Variants in BTRC observed in about 807,000 individuals in gnomAD.
The protein encoded by BTRC is F-box/WD repeat-containing protein 1A.
BTRC carries 42 observed loss-of-function variants against 85.5 expected under a neutral mutation model. That is an observed-to-expected ratio of 0.49 (90% confidence interval 0.38 to 0.64). The LOEUF (loss-of-function observed/expected upper bound fraction) is 0.64, where lower values mean the gene tolerates loss of function less well. Among genes scored for constraint, BTRC ranks in the 30% least tolerant of loss-of-function variants. BTRC has a pLI of 0.00. For missense variants in BTRC, 594 were observed against 743.5 expected, an observed-to-expected ratio of 0.80 and a Z score of 2.34; for synonymous variants, 255 against 263.3, an observed-to-expected ratio of 0.97 and a Z score of 0.30.
intron 2 of BTRC, among the ~76,000 whole-genome samples, chr10:101,445,815 A>G (rs1320432861): frequency 6.6e-6 from 1 of 152,188 alleles, no homozygotes; most frequent in African/African-American, 2.4e-5. Context: ...TGTGTTGTGT[A>G]CCCTGAGGAT....
intron 10 of BTRC, 23 bp from the exon 11 acceptor site, chr10:101,535,331 C>T (rs778010209): frequency 5.7e-6 from 9 of 1,576,218 alleles, no homozygotes; most frequent in Non-Finnish European, 7.8e-6. Context: ...AAATCAACTG[C>T]TCAATGCCAT....
intron 1 of BTRC, among the ~76,000 whole-genome samples, chr10:101,400,724 A>C (rs1037778242): frequency 6.6e-6 from 1 of 152,226 alleles, no homozygotes; most frequent in Admixed American, 6.5e-5. Flanking sequence ...GCCTCTGTTG[A>C]GTCATAGCAA....
chr10:101,507,400 G>A (rs907736639), intron 4 of BTRC, among the ~76,000 whole-genome samples: 3 of 152,178 alleles, frequency 2.0e-5, no homozygotes, highest in Non-Finnish European at 2.9e-5. Context: ...AGCAGCCATC[G>A]ATCAAGTTCA....
intron 4 of BTRC, among the ~76,000 whole-genome samples, chr10:101,487,641 A>G (rs1312994024): frequency 6.6e-6 from 1 of 152,202 alleles, no homozygotes; most frequent in Non-Finnish European, 1.5e-5. Flanking sequence ...GCAGCAGGTA[A>G]TCCATCTTTG....
intron 4 of BTRC, among the ~76,000 whole-genome samples, chr10:101,491,437 G>A (rs1335602207): frequency 1.3e-5 from 2 of 152,100 alleles, no homozygotes; most frequent in African/African-American, 2.4e-5. Flanking sequence ...GCTCACACTT[G>A]TAATCCCAGT....
rs554565524 is a variant in BTRC, at chr10:101,430,187, G to C, written c.49-158G>C. Among the ~76,000 whole-genome samples, 80 of 152,292 alleles carry C rather than the reference G, an allele frequency of 5.3e-4. 1 individual carries two copies. The South Asian group carries it at 7.0e-3, about 13-fold the overall frequency. On this transcript the variant is annotated intron_variant, in intron 1 of 14. Coordinates refer to ENST00000370187, the MANE Select transcript of BTRC (RefSeq NM_033637.4). ...TACTGCCCCTTTTGGGATTCTCTCT[G>C]GGGTTAAAGCCAGTAAGTAGTGTGT...
chr10:101,441,931 G>A (rs1462379396), intron 2 of BTRC, among the ~76,000 whole-genome samples: 7 of 147,462 alleles, frequency 4.7e-5, no homozygotes, highest in African/African-American at 2.5e-5. Flanking sequence ...ATGTAGACAC[G>A]TCTTGTTTTG....
intron 4 of BTRC, among the ~76,000 whole-genome samples, chr10:101,496,650 T>C (rs1946269564): frequency 6.6e-6 from 1 of 152,200 alleles, no homozygotes; most frequent in Non-Finnish European, 1.5e-5. Flanking sequence ...GCTTTAAGTG[T>C]ATTCACATTG....
chr10:101,549,239 C>T (rs2062607443), intron 13 of BTRC, among the ~76,000 whole-genome samples: 1 of 147,540 alleles, frequency 6.8e-6, no homozygotes, highest in Non-Finnish European at 1.5e-5. Context: ...TCAAGACCAG[C>T]CTGGGCAACA....
At chr10:101,392,712 C>G (rs1377324435) in intron 1 of BTRC, among the ~76,000 whole-genome samples, 1 of 152,006 alleles carries the variant, frequency 6.6e-6, no homozygotes, top group African/African-American at 2.4e-5. Flanking sequence ...ATAGTAGAGA[C>G]AGGGTTTCAC....
rs1941959728 is a variant in BTRC at position 101,354,188 on chromosome 10, C to G, written c.8C>G (p.Pro3Arg). 3.9e-6 allele frequency: 6 copies of G among 1,549,128 alleles called. No homozygotes were observed. Among genetic ancestry groups the G allele is most frequent in the Non-Finnish European group, 5.2e-6 (6 of 1,146,704 alleles). The change falls in exon 1 of 15, where the codon CCG becomes CGG. Residue 3 changes from proline to arginine, a missense_variant. Pro to Arg is a moderately radical substitution (Grantham distance 103). This residue lies in a region of BTRC where 163 missense variants were observed against 180.5 expected (regional missense o/e 0.90). Coordinates refer to ENST00000370187, the MANE Select transcript of BTRC (RefSeq NM_033637.4). Reference sequence around the variant, plus strand: ...CCAGTGGCCTCGGCGATTATGGACCCGGCCGAGGCGGTGCTGCAAGAGAAG... The same window carrying G: ...CCAGTGGCCTCGGCGATTATGGACCGGGCCGAGGCGGTGCTGCAAGAGAAG... Reference protein sequence around the residue: MDPAEAVLQEKAL... With the variant: MDRAEAVLQEKAL...
At chr10:101,511,642 G>C (rs2061956213) in intron 4 of BTRC, among the ~76,000 whole-genome samples, 1 of 152,098 alleles carries the variant, frequency 6.6e-6, no homozygotes, top group Non-Finnish European at 1.5e-5. Flanking sequence ...TGTAACCTCT[G>C]CCTCCCGGGT....
intron 3 of BTRC, among the ~76,000 whole-genome samples, chr10:101,478,024 G>A (rs1156982689): frequency 6.6e-6 from 1 of 152,172 alleles, no homozygotes; most frequent in African/African-American, 2.4e-5. Flanking sequence ...GATAGGCCCA[G>A]TGAGGCTGCT....
chr10:101,527,598 C>G (rs2062211341), intron 6 of BTRC, among the ~76,000 whole-genome samples: 1 of 151,932 alleles, frequency 6.6e-6, no homozygotes, highest in Admixed American at 6.6e-5. Flanking sequence ...ACAAAAAAAT[C>G]AAAAAATTAG....
chr10:101,541,279 A>G (rs961924055), intron 13 of BTRC, among the ~76,000 whole-genome samples: 7 of 88,670 alleles, frequency 7.9e-5, no homozygotes, highest in African/African-American at 3.7e-4. Context: ...TTTTTTTTTG[A>G]GACGGAGTCT....
At chr10:101,395,346 C>T (rs1943337821) in intron 1 of BTRC, among the ~76,000 whole-genome samples, 1 of 152,076 alleles carries the variant, frequency 6.6e-6, no homozygotes, top group African/African-American at 2.4e-5. Context: ...CCTTTTTTCC[C>T]AACACCCTCT....
At chr10:101,372,244 TTC>T (rs1399432048) in intron 1 of BTRC, among the ~76,000 whole-genome samples, 1 of 148,236 alleles carries the variant, frequency 6.7e-6, no homozygotes, top group East Asian at 2.0e-4. Flanking sequence ...CTTTTGCGTT[TTC>T]TTTTTCTTTT....
intron 1 of BTRC, among the ~76,000 whole-genome samples, chr10:101,364,197 C>G (rs772909161): frequency 3.9e-5 from 6 of 152,078 alleles, no homozygotes; most frequent in East Asian, 1.9e-4. Flanking sequence ...CCTGATAGCA[C>G]TTTTTCATTT....
chr10:101,509,403 C>T (rs1207417328), intron 4 of BTRC, among the ~76,000 whole-genome samples: 5 of 148,348 alleles, frequency 3.4e-5, no homozygotes, highest in African/African-American at 7.5e-5. Context: ...TACAGGCGCC[C>T]GCCACTACGC....
Sources: allele counts gnomAD v4.1 joint callset (sites outside exome capture counted in the v4.1 genomes callset), GRCh38; gene constraint gnomAD v4.1.1; regional missense constraint gnomAD v4.1.1; transcripts MANE v1.5; gene names NCBI Gene and HGNC (gene_info 2026-07-23, HGNC 2026-07-21).